Variants in TTC28 observed in about 807,000 individuals in gnomAD.
The protein encoded by TTC28 is tetratricopeptide repeat protein 28.
Under a neutral mutation model 198.0 loss-of-function variants are expected in TTC28, and 61 were observed. The observed-to-expected ratio is 0.31, with a 90% CI of 0.25 to 0.38. TTC28 has a LOEUF of 0.38. TTC28 is among the 10% of genes least tolerant of loss of function. The pLI is 1.00. For missense variants in TTC28, 2,678 were observed against 3,164.0 expected, an observed-to-expected ratio of 0.85 and a Z score of 3.69; for synonymous variants, 1,171 against 1,297.8, an observed-to-expected ratio of 0.90 and a Z score of 2.10.
chr22:28,224,172 A>G (rs1042573295), intron 5 of TTC28, among the ~76,000 whole-genome samples: 1 of 152,168 alleles, frequency 6.6e-6, no homozygotes, highest in African/African-American at 2.4e-5. Context: ...CCAGGACCAC[A>G]TGTTAGCAGT....
intron 5 of TTC28, among the ~76,000 whole-genome samples, chr22:28,282,553 C>G (rs2044604065): frequency 6.6e-6 from 1 of 152,056 alleles, no homozygotes; most frequent in Admixed American, 6.5e-5. Flanking sequence ...TTAATATAAC[C>G]ACATGTGGCT....
At chr22:28,038,762 T>C (rs2146663766) in intron 12 of TTC28, among the ~76,000 whole-genome samples, 1 of 152,272 alleles carries the variant, frequency 6.6e-6, no homozygotes, top group East Asian at 1.9e-4. Flanking sequence ...ATTTTTGCAA[T>C]CTACTCATCT....
intron 2 of TTC28, among the ~76,000 whole-genome samples, chr22:28,349,178 C>A (rs1319437458): frequency 6.6e-6 from 1 of 152,028 alleles, no homozygotes; most frequent in Non-Finnish European, 1.5e-5. Context: ...CATGCATGTG[C>A]ACGCACACAC....
chr22:28,206,954 C>T (rs1211049094), intron 5 of TTC28, among the ~76,000 whole-genome samples: 1 of 152,060 alleles, frequency 6.6e-6, no homozygotes, highest in Non-Finnish European at 1.5e-5. Flanking sequence ...CAGTAAAACT[C>T]GAAGGACAAG....
intron 2 of TTC28, among the ~76,000 whole-genome samples, chr22:28,377,439 T>G (rs992589529): frequency 1.3e-5 from 2 of 152,012 alleles, no homozygotes; most frequent in South Asian, 4.2e-4. Context: ...ATAGAATTTG[T>G]GTCTGAATCT....
intron 6 of TTC28, among the ~76,000 whole-genome samples, chr22:28,148,895 T>C (rs1458211682): frequency 2.0e-5 from 3 of 152,240 alleles, no homozygotes; most frequent in Non-Finnish European, 2.9e-5. Context: ...TATGGGTAAT[T>C]ATTTGAACTT....
chr22:28,153,611 T>C (rs1351892129), intron 6 of TTC28, among the ~76,000 whole-genome samples: 1 of 151,660 alleles, frequency 6.6e-6, no homozygotes, highest in Non-Finnish European at 1.5e-5. Flanking sequence ...TCTATGGGGG[T>C]AGGAGATATT....
intron 6 of TTC28, among the ~76,000 whole-genome samples, chr22:28,146,517 G>T (rs553107904): frequency 2.0e-5 from 3 of 152,170 alleles, no homozygotes; most frequent in Non-Finnish European, 4.4e-5. Flanking sequence ...CATCTGTTTT[G>T]TCAAGGTTGA....
chr22:28,532,171 G>C (rs926834804), intron 2 of TTC28, among the ~76,000 whole-genome samples: 1 of 151,880 alleles, frequency 6.6e-6, no homozygotes, highest in Non-Finnish European at 1.5e-5. Flanking sequence ...AAGACTAATA[G>C]AGAAGAAAAG....
chr22:28,356,797 G>A (rs556656621), intron 2 of TTC28, among the ~76,000 whole-genome samples: 132 of 152,206 alleles, frequency 8.7e-4, no homozygotes, highest in African/African-American at 3.0e-3. Context: ...GGCTCGTAGC[G>A]GGTTCACGTC....
chr22:28,219,938 A>G (rs542025638), intron 5 of TTC28, among the ~76,000 whole-genome samples: 1 of 152,316 alleles, frequency 6.6e-6, no homozygotes, highest in South Asian at 2.1e-4. Context: ...AAAATCTTTA[A>G]GAGTTCTTTT....
chr22:28,074,267 A>G (rs1422424500), intron 12 of TTC28, among the ~76,000 whole-genome samples: 1 of 152,218 alleles, frequency 6.6e-6, no homozygotes, highest in African/African-American at 2.4e-5. Flanking sequence ...GCCCTGGGGT[A>G]AAGTGCAAGA....
chr22:28,057,279 A>G (rs1287155611), intron 12 of TTC28, among the ~76,000 whole-genome samples: 3 of 152,176 alleles, frequency 2.0e-5, no homozygotes, highest in Non-Finnish European at 4.4e-5. Context: ...GTAACTCTAC[A>G]TCCTCACTAA....
chr22:28,644,415 A>T (rs1325697424), intron 1 of TTC28, among the ~76,000 whole-genome samples: 2 of 150,200 alleles, frequency 1.3e-5, no homozygotes, highest in African/African-American at 2.5e-5. Context: ...AAAAAAAAAA[A>T]TACAGAACTC....
intron 2 of TTC28, among the ~76,000 whole-genome samples, chr22:28,391,386 C>T (rs1305422476): frequency 6.6e-6 from 1 of 152,118 alleles, no homozygotes; most frequent in East Asian, 1.9e-4. Context: ...TGAATGTTGG[C>T]CTGCCTTGCT....
intron 1 of TTC28, among the ~76,000 whole-genome samples, chr22:28,677,175 A>AAAATATAT (rs1555910210): frequency 1.4e-5 from 1 of 69,484 alleles, no homozygotes; most frequent in African/African-American, 7.4e-5. Flanking sequence ...AAAAAAAAAA[A>AAAATATAT]ATATATATAT....
chr22:28,162,998 A>G, intron 6 of TTC28, 94 bp downstream of exon 6: 1 of 1,387,630 alleles, frequency 7.2e-7, no homozygotes, highest in South Asian at 1.5e-5. Flanking sequence ...TTTTAAATAT[A>G]AACACACAGA....
At chr22:28,180,273 T>A (rs759043820) in intron 5 of TTC28, among the ~76,000 whole-genome samples, 5 of 152,196 alleles carry the variant, frequency 3.3e-5, no homozygotes, top group African/African-American at 1.2e-4. Context: ...GTTCATAAAC[T>A]TTGAGTTGCT....
Position 28,107,656 on chromosome 22 carries a change from A to C in TTC28, c.2189T>G (p.Ile730Arg). The C allele has an allele frequency of 6.4e-7, 1 of 1,551,676 alleles. No individual in the cohort carries two copies. The highest frequency in any genetic ancestry group is 8.7e-7 in the Non-Finnish European group (1 of 1,146,986). Reference sequence around the variant, plus strand: ...CTCATAGAATTTTATTGCACCATTTATATCTTTTTTACAGATGAATATATC... The same window carrying C: ...CTCATAGAATTTTATTGCACCATTTCTATCTTTTTTACAGATGAATATATC... ...LGDIFICKKD[I>R]NGAIKFYEQQ... The change falls in exon 7 of 23, where the codon ATA becomes AGA. Residue 730 changes from isoleucine to arginine, a missense_variant. This residue lies in a region of TTC28 where 775 missense variants were observed against 845.9 expected (regional missense o/e 0.92). Coordinates refer to ENST00000397906, the MANE Select transcript of TTC28 (RefSeq NM_001145418.2).
Sources: allele counts gnomAD v4.1 joint callset (sites outside exome capture counted in the v4.1 genomes callset), GRCh38; gene constraint gnomAD v4.1.1; regional missense constraint gnomAD v4.1.1; transcripts MANE v1.5; gene names NCBI Gene and HGNC (gene_info 2026-07-23, HGNC 2026-07-21).